TMEM108: variants seen among roughly 807,000 people sequenced by gnomAD.
TMEM108 encodes transmembrane protein 108.
In TMEM108, 12 loss-of-function variants were observed where a neutral mutation model predicts 35.1. That is an observed-to-expected ratio of 0.34 (90% confidence interval 0.22 to 0.55). TMEM108 has a LOEUF of 0.55. TMEM108 is among the 20% of genes least tolerant of loss of function. TMEM108 has a pLI of 0.89. For synonymous variants in TMEM108, 287 were observed against 308.6 expected (o/e 0.93, Z 0.73); for missense variants, 680 against 753.3 (o/e 0.90, Z 1.14).
chr3:133,285,245 A>G (rs1946967802), intron 3 of TMEM108, among the ~76,000 whole-genome samples: 1 of 152,228 alleles, frequency 6.6e-6, no homozygotes, highest in Non-Finnish European at 1.5e-5. Context: ...TGGCTACCAT[A>G]TTAAATAACA....
At chr3:133,278,149 T>C (rs1178924210) in intron 3 of TMEM108, among the ~76,000 whole-genome samples, 1 of 152,246 alleles carries the variant, frequency 6.6e-6, no homozygotes, top group African/African-American at 2.4e-5. Context: ...GAATTAACTC[T>C]GGACTTTAAC....
chr3:133,124,637 G>A (rs1410194975), intron 2 of TMEM108, among the ~76,000 whole-genome samples: 2 of 152,154 alleles, frequency 1.3e-5, no homozygotes, highest in African/African-American at 4.8e-5. Flanking sequence ...AAAGATAAGC[G>A]ACAAAAAGCC....
chr3:133,370,145 CT>C (rs3054623), intron 3 of TMEM108, among the ~76,000 whole-genome samples: 43,910 of 126,602 alleles, frequency 0.35, 6,085 homozygotes, highest in Middle Eastern at 0.43. Flanking sequence ...TTCAGACTCC[CT>C]TTTTTTTTTT....
intron 3 of TMEM108, among the ~76,000 whole-genome samples, chr3:133,334,652 C>T (rs112173670): frequency 7.9e-5 from 12 of 152,262 alleles, no homozygotes; most frequent in East Asian, 7.7e-4. Context: ...ATCTGACACA[C>T]GCTTTCAAGT....
At chr3:133,274,304 G>A (rs1435597895) in intron 3 of TMEM108, among the ~76,000 whole-genome samples, 1 of 152,180 alleles carries the variant, frequency 6.6e-6, no homozygotes. Flanking sequence ...AGAGAATCCT[G>A]TTAGGACAGT....
At chr3:133,363,472 C>T (rs2137602) in intron 3 of TMEM108, among the ~76,000 whole-genome samples, 20,190 of 151,242 alleles carry the variant, frequency 0.13, 1,446 homozygotes, top group South Asian at 0.22. Flanking sequence ...AGTGCAGTAG[C>T]GTGATCACAG....
chr3:133,075,392 A>G (rs1559824543), intron 2 of TMEM108, among the ~76,000 whole-genome samples: 1 of 152,216 alleles, frequency 6.6e-6, no homozygotes, highest in East Asian at 1.9e-4. Context: ...CCAGCTTCCT[A>G]ATTTTTGCTA....
intron 3 of TMEM108, among the ~76,000 whole-genome samples, chr3:133,371,033 G>A (rs781406993): frequency 6.6e-6 from 1 of 152,050 alleles, no homozygotes; most frequent in Non-Finnish European, 1.5e-5. Context: ...CTGGCATTGA[G>A]ATGTTTCCCT....
intron 3 of TMEM108, among the ~76,000 whole-genome samples, chr3:133,335,337 A>T (rs1256579557): frequency 1.3e-5 from 2 of 152,222 alleles, no homozygotes; most frequent in African/African-American, 4.8e-5. Flanking sequence ...ATATATTTTT[A>T]AATCAAAAAA....
chr3:133,264,846 T>G (rs1472028971), intron 3 of TMEM108, among the ~76,000 whole-genome samples: 2 of 152,112 alleles, frequency 1.3e-5, no homozygotes, highest in South Asian at 4.1e-4. Flanking sequence ...AGGAAAACAG[T>G]GCAGGAAACA....
intron 2 of TMEM108, among the ~76,000 whole-genome samples, chr3:133,158,972 C>G (rs1051683709): frequency 6.6e-6 from 1 of 152,214 alleles, no homozygotes; most frequent in East Asian, 1.9e-4. Flanking sequence ...AATTCCCACT[C>G]TTTCCCATTC....
intron 3 of TMEM108, chr3:133,247,552 CT>C (rs1235027859): frequency 6.6e-6 from 1 of 151,944 alleles, no homozygotes; most frequent in African/African-American, 2.4e-5. Flanking sequence ...AAGATGCCAC[CT>C]GTCTCAGAGG....
At chr3:133,229,067 G>T (rs997673781) in intron 2 of TMEM108, among the ~76,000 whole-genome samples, 199 bp from the exon 3 acceptor site, 3 of 152,158 alleles carry the variant, frequency 2.0e-5, no homozygotes, top group Non-Finnish European at 4.4e-5. Context: ...TATAGTTTCA[G>T]GGTTCGACCA....
chr3:133,183,410 T>C (rs999948800), intron 2 of TMEM108, among the ~76,000 whole-genome samples: 1 of 152,160 alleles, frequency 6.6e-6, no homozygotes, highest in Admixed American at 6.5e-5. Context: ...TCTTGGTATA[T>C]TTATCTTCTC....
rs140713596 is a variant in TMEM108 at position 133,295,557 on chromosome 3, C to G, written c.40+66206C>G. 4.5e-3 allele frequency among the ~76,000 whole-genome samples: 685 copies of G among 152,182 alleles called. 2 individuals carry two copies. Among genetic ancestry groups the G allele is most frequent in the Non-Finnish European group, 7.3e-3 (497 of 68,008 alleles). On this transcript the variant is annotated intron_variant, in intron 3 of 5. Transcript: ENST00000321871. ...TGTTATTATTGTTATCTAGAAAGGC[C>G]CTCCTTACTTTTCAGAAGAGCAGAA... is the stretch of plus-strand genomic sequence containing the variant.
intron 2 of TMEM108, among the ~76,000 whole-genome samples, chr3:133,114,250 C>T (rs1944259978): frequency 6.6e-6 from 1 of 152,124 alleles, no homozygotes; most frequent in Non-Finnish European, 1.5e-5. Context: ...AGTATGATAG[C>T]ATCAATGTAA....
intron 3 of TMEM108, among the ~76,000 whole-genome samples, chr3:133,340,608 C>A (rs571644210): frequency 2.0e-5 from 3 of 147,642 alleles, no homozygotes; most frequent in African/African-American, 7.5e-5. Context: ...AGAGACACAT[C>A]AAAAAAAAAC....
At chr3:133,158,019 T>C (rs931919062) in intron 2 of TMEM108, among the ~76,000 whole-genome samples, 1 of 152,198 alleles carries the variant, frequency 6.6e-6, no homozygotes, top group African/African-American at 2.4e-5. Flanking sequence ...ATATGCCAGG[T>C]ACTAGACAAG....
At chr3:133,182,478 C>T (rs1298494349) in intron 2 of TMEM108, among the ~76,000 whole-genome samples, 2 of 152,122 alleles carry the variant, frequency 1.3e-5, no homozygotes, top group Non-Finnish European at 2.9e-5. Context: ...GAAGGGAATC[C>T]TGGGAATCCC....
Sources: allele counts gnomAD v4.1 joint callset (sites outside exome capture counted in the v4.1 genomes callset), GRCh38; gene constraint gnomAD v4.1.1; transcripts MANE v1.5; gene names NCBI Gene and HGNC (gene_info 2026-07-23, HGNC 2026-07-21).